The following HCRTR2 variants were observed in gnomAD, a reference collection of about 807,000 sequenced individuals.
HCRTR2 encodes the protein hypocretin receptor 2, also known as orexin receptor type 2.
Under a neutral mutation model 49.0 loss-of-function variants are expected in HCRTR2, and 22 were observed. That is an observed-to-expected ratio of 0.45 (90% CI 0.32 to 0.64). The LOEUF (loss-of-function observed/expected upper bound fraction) is 0.64, where lower values mean the gene tolerates loss of function less well. Among genes scored for constraint, HCRTR2 ranks in the 30% least tolerant of loss-of-function variants. The probability of loss-of-function intolerance (pLI) is 0.04; values close to 1 mark genes in which losing one functional copy is unlikely to be tolerated. For missense variants in HCRTR2, 491 were observed against 559.4 expected, an observed-to-expected ratio of 0.88 and a Z score of 1.23; for synonymous variants, 236 against 205.3, an observed-to-expected ratio of 1.15 and a Z score of -1.28.
At chr6:55,120,906 C>T (rs12216464) in intron 1 of HCRTR2, among the ~76,000 whole-genome samples, 42,866 of 151,396 alleles carry the variant, frequency 0.28, 6,607 homozygotes, top group Non-Finnish European at 0.35. Flanking sequence ...AGTCAGGTAG[C>T]GTGATGCCTC....
intron 1 of HCRTR2, among the ~76,000 whole-genome samples, chr6:55,218,689 A>G (rs952800179): frequency 6.6e-6 from 1 of 152,240 alleles, no homozygotes; most frequent in Admixed American, 6.5e-5. Flanking sequence ...ATATTAAAAG[A>G]GTCAATTCAC....
chr6:55,223,053 C>T (rs1004790791), intron 1 of HCRTR2, among the ~76,000 whole-genome samples: 8 of 152,036 alleles, frequency 5.3e-5, no homozygotes, highest in African/African-American at 1.9e-4. Context: ...GTTAATATAT[C>T]CATATTATCA....
intron 4 of HCRTR2, among the ~76,000 whole-genome samples, chr6:55,271,619 T>C (rs1172212298): frequency 6.6e-6 from 1 of 152,060 alleles, no homozygotes; most frequent in East Asian, 1.9e-4. Flanking sequence ...CAGAAAATAT[T>C]TGCAAATCAT....
intron 1 of HCRTR2, among the ~76,000 whole-genome samples, chr6:55,191,478 C>A (rs1765314154): frequency 6.6e-6 from 1 of 151,984 alleles, no homozygotes; most frequent in Admixed American, 6.6e-5. Flanking sequence ...TATAGTTAGT[C>A]AATTATGTCA....
intron 1 of HCRTR2, among the ~76,000 whole-genome samples, chr6:55,109,792 A>G (rs933937094): frequency 2.2e-4 from 33 of 152,336 alleles, no homozygotes; most frequent in African/African-American, 7.5e-4. Flanking sequence ...TTTGTAAAAC[A>G]TATTTGAAGG....
intron 4 of HCRTR2, among the ~76,000 whole-genome samples, chr6:55,275,228 C>T (rs77318937): frequency 0.015 from 2,237 of 152,162 alleles, 53 homozygotes; most frequent in African/African-American, 0.051. Flanking sequence ...TGTATTTTTG[C>T]ATTAAATATG....
chr6:55,227,938 A>T (rs2127298738), intron 1 of HCRTR2, among the ~76,000 whole-genome samples: 1 of 152,252 alleles, frequency 6.6e-6, no homozygotes, highest in East Asian at 1.9e-4. Flanking sequence ...GTGTCATGGC[A>T]GTTGGAAGAC....
At chr6:55,215,756 T>C (rs1314671368) in intron 1 of HCRTR2, among the ~76,000 whole-genome samples, 2 of 152,208 alleles carry the variant, frequency 1.3e-5, no homozygotes, top group East Asian at 1.9e-4. Flanking sequence ...AAATAGATTG[T>C]TATAATATGT....
At chr6:55,154,715 A>C (rs919503760) in intron 1 of HCRTR2, among the ~76,000 whole-genome samples, 2 of 140,060 alleles carry the variant, frequency 1.4e-5, no homozygotes, top group South Asian at 4.5e-4. Flanking sequence ...TAAATAAATA[A>C]ATATAAATAA....
At chr6:55,245,480 T>C (rs1488558991) in intron 1 of HCRTR2, among the ~76,000 whole-genome samples, 1 of 118,628 alleles carries the variant, frequency 8.4e-6, no homozygotes, top group Non-Finnish European at 1.7e-5. Flanking sequence ...TATATATATA[T>C]ATATATATAT....
At chr6:55,191,362 T>C (rs956192861) in intron 1 of HCRTR2, among the ~76,000 whole-genome samples, 1 of 152,134 alleles carries the variant, frequency 6.6e-6, no homozygotes, top group African/African-American at 2.4e-5. Context: ...AGCTTATGAT[T>C]TTCTATATAA....
At chr6:55,136,511 G>T (rs57015927) in intron 1 of HCRTR2, among the ~76,000 whole-genome samples, 5,008 of 152,208 alleles carry the variant, frequency 0.033, 286 homozygotes, top group African/African-American at 0.11. Context: ...CCACATTTAT[G>T]AATTGAATAT....
chr6:55,193,371 A>C (rs937542291), intron 1 of HCRTR2, among the ~76,000 whole-genome samples: 1 of 152,176 alleles, frequency 6.6e-6, no homozygotes, highest in African/African-American at 2.4e-5. Context: ...GAGGCAGAGC[A>C]TTAAGAAAGT....
At chr6:55,126,740 C>T (rs1278376357) in intron 1 of HCRTR2, among the ~76,000 whole-genome samples, 1 of 152,192 alleles carries the variant, frequency 6.6e-6, no homozygotes, top group Non-Finnish European at 1.5e-5. Flanking sequence ...AAGTCCCTGA[C>T]TGGGGCTGCT....
At chr6:55,158,394 C>T (rs916692810) in intron 1 of HCRTR2, among the ~76,000 whole-genome samples, 6 of 152,124 alleles carry the variant, frequency 3.9e-5, no homozygotes, top group South Asian at 2.1e-4. Flanking sequence ...GGGCAGGCAC[C>T]GAGCTAGCTG....
At chr6:55,246,710 A>C (rs1367121883) in intron 1 of HCRTR2, among the ~76,000 whole-genome samples, 2 of 152,050 alleles carry the variant, frequency 1.3e-5, no homozygotes, top group South Asian at 2.1e-4. Context: ...AATTTTTCTT[A>C]GGTAGGCCCC....
intron 1 of HCRTR2, 150 bp from the exon 2 acceptor site, chr6:55,248,489 A>G (rs1371386773): frequency 1.4e-6 from 1 of 692,676 alleles, no homozygotes; most frequent in African/African-American, 1.8e-5. Context: ...ATTCACACAG[A>G]TTGACAGATT....
intron 1 of HCRTR2, among the ~76,000 whole-genome samples, chr6:55,113,790 G>A (rs1764081745): frequency 6.6e-6 from 1 of 151,846 alleles, no homozygotes. Flanking sequence ...CAATCTGACT[G>A]CTGAGTATCT....
intron 3 of HCRTR2, 49 bp downstream of exon 3, chr6:55,255,428 T>A (rs1766634567): frequency 2.5e-6 from 4 of 1,605,820 alleles, no homozygotes; most frequent in Non-Finnish European, 3.4e-6. Context: ...CAGCAGCAAA[T>A]TGAAAATTGG....
Sources: gnomAD v4.1 joint callset for allele counts (sites outside exome capture counted in the v4.1 genomes callset) on GRCh38, gnomAD v4.1.1 for gene constraint, MANE v1.5 for transcripts, NCBI Gene and HGNC (gene_info 2026-07-23, HGNC 2026-07-21) for gene names.